Variants in RASGEF1C observed in about 807,000 individuals in gnomAD.
RASGEF1C encodes RasGEF domain family member 1C.
RASGEF1C carries 27 observed loss-of-function variants against 58.1 expected under a neutral mutation model. The ratio of observed to expected loss-of-function variants is 0.46; its 90% CI spans 0.34 to 0.64. RASGEF1C has a LOEUF of 0.64. RASGEF1C is among the 30% of genes least tolerant of loss of function. RASGEF1C has a pLI of 0.01. For synonymous variants in RASGEF1C, 243 were observed against 246.3 expected, an observed-to-expected ratio of 0.99 and a Z score of 0.13; for missense variants, 502 against 605.1, an observed-to-expected ratio of 0.83 and a Z score of 1.79.
At chr5:180,117,466 C>A (rs1405823207) in intron 10 of RASGEF1C, among the ~76,000 whole-genome samples, 1 of 152,216 alleles carries the variant, frequency 6.6e-6, no homozygotes, top group African/African-American at 2.4e-5. Flanking sequence ...GGGACCTGAT[C>A]CCACCAATGT....
At chr5:180,199,522 C>T (rs1018580138) in intron 1 of RASGEF1C, among the ~76,000 whole-genome samples, 1 of 152,180 alleles carries the variant, frequency 6.6e-6, no homozygotes, top group Non-Finnish European at 1.5e-5. Flanking sequence ...GCACTCCGTC[C>T]CACGCTTAGC....
At chr5:180,131,445 G>A (rs532278458) in intron 4 of RASGEF1C, among the ~76,000 whole-genome samples, 34 of 150,692 alleles carry the variant, frequency 2.3e-4, no homozygotes, top group African/African-American at 5.1e-4. Context: ...CCACTGGACC[G>A]AAGCTCAAGT....
At chr5:180,111,711 G>A in intron 11 of RASGEF1C, 131 bp from the exon 12 acceptor site, 1 of 959,910 alleles carries the variant, frequency 1.0e-6, no homozygotes, top group Admixed American at 2.1e-5. Flanking sequence ...GGAGCAGGGG[G>A]CGATAAATGA....
At chr5:180,154,706 G>A (rs1267582755) in intron 1 of RASGEF1C, among the ~76,000 whole-genome samples, 2 of 151,366 alleles carry the variant, frequency 1.3e-5, no homozygotes, top group African/African-American at 4.9e-5. Flanking sequence ...TCAGCCTCCC[G>A]AGTAGCTGGG....
intron 1 of RASGEF1C, among the ~76,000 whole-genome samples, chr5:180,208,256 T>G (rs1393551160): frequency 6.6e-6 from 1 of 151,952 alleles, no homozygotes; most frequent in African/African-American, 2.4e-5. Flanking sequence ...GCTCAGAACT[T>G]CTGTCTCTCC....
chr5:180,128,387 G>A lies in RASGEF1C; in HGVS notation c.639+23C>T, dbSNP rs752983648. The stretch of plus-strand genomic sequence containing the variant: ...TGTGTCCTGCTGAATCCCGGGTGAG[G>A]AAGGTGGTTTGGGCCGGCTTACCAG... On this transcript the variant is annotated intron_variant, in intron 5 of 13. Coordinates refer to ENST00000361132, the MANE Select transcript of RASGEF1C (RefSeq NM_175062.4). The A allele has an allele frequency of 3.1e-6, 5 of 1,603,038 alleles. No homozygotes were observed. The South Asian group carries it at 5.5e-5, about 18-fold the overall frequency.
chr5:180,113,125 C>T lies in RASGEF1C; in HGVS notation c.1179+1321G>A, dbSNP rs527800115. 1.1e-4 allele frequency among the ~76,000 whole-genome samples: 13 copies of T among 123,588 alleles called. 1 individual carries two copies. Among genetic ancestry groups the T allele is most frequent in the Admixed American group, 4.7e-4 (6 of 12,676 alleles). The allele number at this position is 123,588 out of a possible 152,430, so 81.1% of individuals were successfully genotyped here. A position where few individuals can be genotyped will look rare whatever the true frequency, so the allele number is the denominator to read the frequency against. ...GATGGACGGAGGGACCGGGGATGGACGGAGGGATCGAGGATGGATGGAGGG... is the reference window on the plus strand; with the variant it reads ...GATGGACGGAGGGACCGGGGATGGATGGAGGGATCGAGGATGGATGGAGGG... On this transcript the variant is annotated intron_variant, in intron 11 of 13. Transcript: ENST00000361132.
intron 1 of RASGEF1C, among the ~76,000 whole-genome samples, chr5:180,166,040 C>T (rs1026218482): frequency 1.4e-4 from 21 of 152,152 alleles, no homozygotes; most frequent in Admixed American, 3.3e-4. Flanking sequence ...TGAGCCACCA[C>T]GCCCGGCCTA....
intron 1 of RASGEF1C, among the ~76,000 whole-genome samples, chr5:180,167,413 C>T (rs973833239): frequency 2.6e-5 from 4 of 152,142 alleles, no homozygotes; most frequent in African/African-American, 9.7e-5. Context: ...TCATTTGAAC[C>T]TTGGAGGCGG....
intron 1 of RASGEF1C, among the ~76,000 whole-genome samples, chr5:180,196,498 CAAAAAAGAAA>C (rs1271776925): frequency 4.0e-4 from 52 of 130,766 alleles, no homozygotes; most frequent in Non-Finnish European, 5.7e-4. Context: ...GACTCTGTCT[CAAAAAAGAAA>C]AAAAAAGAAA....
At chr5:180,115,867 G>C (rs1023135819) in intron 10 of RASGEF1C, among the ~76,000 whole-genome samples, 5 of 151,938 alleles carry the variant, frequency 3.3e-5, no homozygotes, top group South Asian at 4.2e-4. Context: ...GATCAGTGGT[G>C]GGGGGGGATT....
At chr5:180,113,521 G>A (rs1766006324) in intron 11 of RASGEF1C, among the ~76,000 whole-genome samples, 1 of 81,102 alleles carries the variant, frequency 1.2e-5, no homozygotes, top group Non-Finnish European at 2.5e-5. Context: ...GATCGGGGAT[G>A]GACGGAGGGA....
At chr5:180,126,432 G>C (rs575914088) in intron 6 of RASGEF1C, among the ~76,000 whole-genome samples, 75 of 152,122 alleles carry the variant, frequency 4.9e-4, no homozygotes, top group African/African-American at 1.6e-3. Flanking sequence ...TCTCCCTCCC[G>C]TTCCTGCCTC....
intron 1 of RASGEF1C, among the ~76,000 whole-genome samples, chr5:180,145,576 A>G (rs1766651218): frequency 6.6e-6 from 1 of 152,218 alleles, no homozygotes; most frequent in Admixed American, 6.5e-5. Flanking sequence ...TTCCCTAAAT[A>G]TCAGTGATCT....
intron 1 of RASGEF1C, among the ~76,000 whole-genome samples, chr5:180,192,999 G>A (rs147820942): frequency 2.6e-5 from 4 of 151,740 alleles, no homozygotes; most frequent in African/African-American, 7.3e-5. Flanking sequence ...ACCCACCTTG[G>A]CCTCCCAAAG....
rs1174011395 is a variant in RASGEF1C, at chr5:180,143,530, A to C, written c.-6-5472T>G. Among the ~76,000 whole-genome samples, 1 of 152,206 alleles carries C rather than the reference A, an allele frequency of 6.6e-6. No individual in the cohort carries two copies. The highest frequency in any genetic ancestry group is 1.5e-5 in the Non-Finnish European group (1 of 68,040). On this transcript the variant is annotated intron_variant, in intron 1 of 13. Coordinates refer to ENST00000361132, the MANE Select transcript of RASGEF1C (RefSeq NM_175062.4). The surrounding 1 kb of genome is among the most constrained non-coding windows in gnomAD (Gnocchi z 4.3). Reference sequence around the variant, plus strand: ...TCCTCCTCAGCGTGGGGCTGGCAGAAGGTGGGCCGGCTGTACCAGTGAAAA... The same window carrying C: ...TCCTCCTCAGCGTGGGGCTGGCAGACGGTGGGCCGGCTGTACCAGTGAAAA...
intron 7 of RASGEF1C, among the ~76,000 whole-genome samples, chr5:180,119,747 C>T (rs1446639586): frequency 6.6e-6 from 1 of 152,096 alleles, no homozygotes; most frequent in Non-Finnish European, 1.5e-5. Flanking sequence ...TCCCTCTGGG[C>T]CCAGCTCCCA....
intron 1 of RASGEF1C, among the ~76,000 whole-genome samples, chr5:180,151,056 GA>G (rs1248703592): frequency 6.6e-6 from 1 of 151,776 alleles, no homozygotes; most frequent in Non-Finnish European, 1.5e-5. Flanking sequence ...ACTGCTCAAT[GA>G]AATAAAAGAG....
At chr5:180,133,661 T>G (rs1310826515) in intron 4 of RASGEF1C, among the ~76,000 whole-genome samples, 1 of 152,248 alleles carries the variant, frequency 6.6e-6, no homozygotes, top group African/African-American at 2.4e-5. Flanking sequence ...GTCTATGGTT[T>G]GCTTACAGCT....
Sources: allele counts gnomAD v4.1 joint callset (sites outside exome capture counted in the v4.1 genomes callset), GRCh38; gene constraint gnomAD v4.1.1; non-coding constraint Gnocchi (gnomAD v3.1); transcripts MANE v1.5; gene names NCBI Gene and HGNC (gene_info 2026-07-23, HGNC 2026-07-21).